Variants in FAM107A observed in about 807,000 individuals in gnomAD.
The protein encoded by FAM107A is actin-associated protein FAM107A.
In FAM107A, 19 loss-of-function variants were observed where a neutral mutation model predicts 13.7. That is an observed-to-expected ratio of 1.38 (90% CI 0.97 to 2.03). FAM107A has a LOEUF of 2.03. FAM107A is among the 30% of genes most tolerant of loss of function. The pLI, the probability that FAM107A is intolerant of heterozygous loss-of-function variation, is 0.00. For synonymous variants in FAM107A, 82 were observed against 74.5 expected, an observed-to-expected ratio of 1.10 and a Z score of -0.52; for missense variants, 203 against 184.4, an observed-to-expected ratio of 1.10 and a Z score of -0.58.
upstream of FAM107A, among the ~76,000 whole-genome samples, chr3:58,589,928 T>C (rs2065642202): frequency 6.6e-6 from 1 of 152,194 alleles, no homozygotes. Flanking sequence ...TGGACTGCCT[T>C]CTTCTTACCT....
chr3:58,588,561 A>G (rs754233928), upstream of FAM107A, among the ~76,000 whole-genome samples: 3 of 152,204 alleles, frequency 2.0e-5, no homozygotes, highest in Non-Finnish European at 4.4e-5. Context: ...GTCTGTCATC[A>G]ACAACCAGCC....
chr3:58,588,346 C>A (rs1431101264), upstream of FAM107A, among the ~76,000 whole-genome samples: 4 of 152,244 alleles, frequency 2.6e-5, no homozygotes, highest in African/African-American at 7.2e-5. Flanking sequence ...ACCTTCAAGG[C>A]CAACTGTTGG....
rs898706841 is a variant in FAM107A at position 58,617,212 on chromosome 3, C to T, written c.-70+10204G>A. Among the ~76,000 whole-genome samples, 5 of 152,188 alleles carry T rather than the reference C, an allele frequency of 3.3e-5. No individual in the cohort carries two copies. The highest frequency in any genetic ancestry group is 7.2e-5 in the African/African-American group (3 of 41,430). On this transcript the variant is annotated intron_variant, in intron 1 of 3. Coordinates refer to the FAM107A transcript ENST00000465970. The surrounding 1 kb of genome is among the most constrained non-coding windows in gnomAD (Gnocchi z 4.5). ...GTTCAGGGCCTGCAGGTCTCAATGG[C>T]AGGCCTCTTCCTGAACGTGCACCAC...
At chr3:58,624,078 T>C (rs1415561232) in intron 1 of FAM107A, among the ~76,000 whole-genome samples, 1 of 152,118 alleles carries the variant, frequency 6.6e-6, no homozygotes, top group Non-Finnish European at 1.5e-5. Flanking sequence ...CCATGGAAGG[T>C]GCTTTTCTTG....
At chr3:58,580,681 T>C (rs989838745), upstream of FAM107A, among the ~76,000 whole-genome samples, 2 of 152,086 alleles carry the variant, frequency 1.3e-5, no homozygotes, top group Non-Finnish European at 2.9e-5. Flanking sequence ...CCCAAAGTGC[T>C]AGGATCACAG....
intron 1 of FAM107A, among the ~76,000 whole-genome samples, chr3:58,572,582 G>C (rs773367228): frequency 6.6e-6 from 1 of 152,198 alleles, no homozygotes; most frequent in Non-Finnish European, 1.5e-5. Flanking sequence ...CGCCTGGAGT[G>C]AGGGTGGACG....
intron 1 of FAM107A, among the ~76,000 whole-genome samples, chr3:58,625,616 CT>C (rs933834294): frequency 2.1e-4 from 32 of 152,300 alleles, no homozygotes; most frequent in Middle Eastern, 3.4e-3. Context: ...TTCATGACCC[CT>C]CCCACAGCTT....
intron 1 of FAM107A, among the ~76,000 whole-genome samples, chr3:58,600,914 C>A (rs1388440838): frequency 6.6e-6 from 1 of 152,162 alleles, no homozygotes; most frequent in African/African-American, 2.4e-5. Context: ...CTTCGGGCAC[C>A]AGAGCCATGC....
chr3:58,570,128 G>A (rs745849154), intron 1 of FAM107A, among the ~76,000 whole-genome samples: 4 of 152,166 alleles, frequency 2.6e-5, no homozygotes, highest in Non-Finnish European at 5.9e-5. Flanking sequence ...AAATGATAAC[G>A]GGTCACAAAA....
rs1559472058 is a variant in FAM107A, at chr3:58,565,818, G to T, written c.*770C>A. 1 of 152,180 alleles carries T rather than the reference G, an allele frequency of 6.6e-6. No homozygotes were observed. Among genetic ancestry groups the T allele is most frequent in the Admixed American group, 6.5e-5 (1 of 15,276 alleles). The allele number at this position is 152,180 out of a possible 1,614,324, so 9.4% of individuals were successfully genotyped here. On this transcript the variant is annotated 3_prime_UTR_variant, in exon 4 of 4. Coordinates refer to ENST00000360997, the MANE Select transcript of FAM107A (RefSeq NM_001076778.3). ...ACCTGGGAGCTTGTTAGAAATGCAG[G>T]ATCTCCCAGATCTATTGAGTTAGAA...
chr3:58,570,927 A>C (rs926463224), intron 1 of FAM107A, among the ~76,000 whole-genome samples: 2 of 152,238 alleles, frequency 1.3e-5, no homozygotes, highest in African/African-American at 2.4e-5. Flanking sequence ...TCATGTGGCA[A>C]CTGAGGGAGT....
At chr3:58,579,337 C>T (rs1347504714), upstream of FAM107A, among the ~76,000 whole-genome samples, 1 of 152,110 alleles carries the variant, frequency 6.6e-6, no homozygotes, top group Non-Finnish European at 1.5e-5. Context: ...CTTGGCCACG[C>T]TGACCATTCT....
rs2066026298 is a variant in FAM107A, at chr3:58,627,100, G to C, written c.-70+316C>G. On this transcript the variant is annotated intron_variant, in intron 1 of 3. Transcript: ENST00000465970. ...AGGACCCAAGGGGCTCCCGGGGCGA[G>C]GGCCCCCTGTCCTCTTGCGGCTCAT... is the stretch of plus-strand genomic sequence containing the variant. 3.6e-5 allele frequency: 41 copies of C among 1,128,538 alleles called. 1 individual carries two copies. In the South Asian group the frequency reaches 5.1e-4, roughly 14 times the overall value. 69.9% of individuals were successfully genotyped at this position (1,128,538 alleles called of 1,614,324 possible).
At chr3:58,623,350 T>C (rs1168237408) in intron 1 of FAM107A, among the ~76,000 whole-genome samples, 1 of 152,202 alleles carries the variant, frequency 6.6e-6, no homozygotes, top group East Asian at 1.9e-4. Flanking sequence ...CTGGGTGGTG[T>C]TGGGTTTGGA....
At position 58,565,788 on chromosome 3, in the gene FAM107A, G is replaced by T. The variant is rs921992427; in HGVS notation, c.*800C>A. 3.3e-5 allele frequency: 5 copies of T among 152,160 alleles called. No individual in the cohort carries two copies. The highest frequency in any genetic ancestry group is 4.4e-5 in the Non-Finnish European group (3 of 68,074). 9.4% of individuals were successfully genotyped at this position (152,160 alleles called of 1,614,324 possible). A position where few individuals can be genotyped will look rare whatever the true frequency, so the allele number is the denominator to read the frequency against. On this transcript the variant is annotated 3_prime_UTR_variant, in exon 4 of 4. Coordinates refer to ENST00000360997, the MANE Select transcript of FAM107A (RefSeq NM_001076778.3). ...CATGGTCCTCACACCAGCAGCCTCC[G>T]CCTTACCTGGGAGCTTGTTAGAAAT... is the stretch of plus-strand genomic sequence containing the variant.
chr3:58,571,650 C>A (rs115362078), intron 1 of FAM107A, among the ~76,000 whole-genome samples: 1 of 152,258 alleles, frequency 6.6e-6, no homozygotes, highest in South Asian at 2.1e-4. Flanking sequence ...TGGGTGCTTA[C>A]GTATTAGAAC....
At chr3:58,584,405 G>C (rs1575446257) in intron 1 of FAM107A, among the ~76,000 whole-genome samples, 1 of 152,292 alleles carries the variant, frequency 6.6e-6, no homozygotes, top group South Asian at 2.1e-4. Context: ...GGTGATCGTT[G>C]AGTGCTGACA....
chr3:58,589,490 T>A (rs962250010), upstream of FAM107A, among the ~76,000 whole-genome samples: 2 of 152,170 alleles, frequency 1.3e-5, no homozygotes, highest in African/African-American at 4.8e-5. Flanking sequence ...ACTCATGCTC[T>A]TTTTTAAAAA....
Position 58,566,484 on chromosome 3 carries a change from T to C in FAM107A, c.*104A>G. The C allele has an allele frequency of 1.2e-6, 1 of 803,772 alleles. No individual in the cohort carries two copies. Among genetic ancestry groups the C allele is most frequent in the Admixed American group, 2.1e-5 (1 of 47,752 alleles). The allele number at this position is 803,772 out of a possible 1,614,324, so 49.8% of individuals were successfully genotyped here. A position where few individuals can be genotyped will look rare whatever the true frequency, so the allele number is the denominator to read the frequency against. ...ATTTCTACAGAAGCAGGTGGGAACATCACAGACGTCCCAGGGCCTGGGGCC... is the reference window on the plus strand; with the variant it reads ...ATTTCTACAGAAGCAGGTGGGAACACCACAGACGTCCCAGGGCCTGGGGCC... On this transcript the variant is annotated 3_prime_UTR_variant, in exon 4 of 4. Transcript: ENST00000360997.
Sources: allele counts gnomAD v4.1 joint callset (sites outside exome capture counted in the v4.1 genomes callset), GRCh38; gene constraint gnomAD v4.1.1; non-coding constraint Gnocchi (gnomAD v3.1); transcripts MANE v1.5; gene names NCBI Gene and HGNC (gene_info 2026-07-23, HGNC 2026-07-21).